The following XIRP2 variants were observed in gnomAD, a reference collection of about 807,000 sequenced individuals.
The protein encoded by XIRP2 is xin actin binding repeat containing 2.
A neutral mutation model predicts 277.0 loss-of-function variants in XIRP2; 236 were observed. The observed-to-expected ratio is 0.85, with a 90% CI of 0.77 to 0.95. The LOEUF (loss-of-function observed/expected upper bound fraction) is 0.95. XIRP2 is among the 40% of genes least tolerant of loss of function. The pLI, the probability that XIRP2 is intolerant of heterozygous loss-of-function variation, is 0.00. For synonymous variants in XIRP2, 1,490 were observed against 1,416.5 expected (o/e 1.05, Z -1.17); for missense variants, 4,640 against 4,157.5 (o/e 1.12, Z -3.19).
chr2:166,974,494 C>G (rs563910322), intron 2 of XIRP2, among the ~76,000 whole-genome samples: 1 of 152,008 alleles, frequency 6.6e-6, no homozygotes, highest in South Asian at 2.1e-4. Context: ...TATCTATACA[C>G]ATACACATAT....
At position 166,999,621 on chromosome 2, in the gene XIRP2, C is replaced by G. The variant is rs1687312240; in HGVS notation, c.408+95731C>G. On this transcript the variant is annotated intron_variant, in intron 2 of 10. Transcript: ENST00000409195. ...ATTCATTCAAGGGCCAGTTCTGTCTCTATTTTACACCATGTCTTAGAATGT... is the reference window on the plus strand; with the variant it reads ...ATTCATTCAAGGGCCAGTTCTGTCTGTATTTTACACCATGTCTTAGAATGT... Among the ~76,000 whole-genome samples the G allele has an allele frequency of 2.6e-5, 4 of 152,228 alleles. No individual in the cohort carries two copies. The South Asian group carries it at 8.3e-4, about 32-fold the overall frequency.
At chr2:167,105,275 C>G (rs895998456) in intron 2 of XIRP2, among the ~76,000 whole-genome samples, 3 of 151,902 alleles carry the variant, frequency 2.0e-5, no homozygotes, top group Non-Finnish European at 4.4e-5. Flanking sequence ...CCACATAGAT[C>G]CTTCCTGTTC....
At chr2:166,912,957 C>T (rs192556812) in intron 2 of XIRP2, among the ~76,000 whole-genome samples, 1 of 152,176 alleles carries the variant, frequency 6.6e-6, no homozygotes, top group African/African-American at 2.4e-5. Context: ...CTGATCATTC[C>T]TCTGGAAGCT....
chr2:166,920,478 G>T (rs1486727764), intron 2 of XIRP2, among the ~76,000 whole-genome samples: 1 of 152,076 alleles, frequency 6.6e-6, no homozygotes, highest in Non-Finnish European at 1.5e-5. Flanking sequence ...CTTAAACATT[G>T]AGTGTCCCCC....
rs766399900 is a variant in XIRP2, at chr2:167,250,840, T to G, written c.9448T>G (p.Tyr3150Asp). The G allele has an allele frequency of 2.5e-6, 4 of 1,613,496 alleles. No homozygotes were observed. In the South Asian group the frequency reaches 3.3e-5, roughly 13 times the overall value. Residue 3150 changes from tyrosine (Y) to aspartate (D), a missense_variant, in exon 9 of 11, where the codon TAT (tyrosine) becomes GAT (aspartate). Physicochemically the swap from Tyr to Asp is radical, Grantham distance 160. Coordinates refer to ENST00000409195, the MANE Select transcript of XIRP2 (RefSeq NM_152381.6). ...TTCTCAGTCCCCTAAAAAGGACAGT[T>G]ATGTTGAACCCCCACCAAGAAGGCC... The part of the protein sequence containing the change: ...ELSQSPKKDS[Y>D]VEPPPRRPMS...
intron 2 of XIRP2, among the ~76,000 whole-genome samples, chr2:167,076,736 A>G (rs1689582335): frequency 6.6e-6 from 1 of 152,226 alleles, no homozygotes; most frequent in Non-Finnish European, 1.5e-5. Context: ...ATAAGCATTG[A>G]TTATCTACTT....
intron 5 of XIRP2, among the ~76,000 whole-genome samples, chr2:167,218,534 C>T (rs1016290007): frequency 6.6e-6 from 1 of 152,178 alleles, no homozygotes; most frequent in African/African-American, 2.4e-5. Context: ...TTCTACCTCT[C>T]ATCTTCTAAT....
chr2:167,154,558 T>G lies in XIRP2; in HGVS notation c.562+18496T>G, dbSNP rs572961333. 4.7e-4 allele frequency among the ~76,000 whole-genome samples: 72 copies of G among 152,176 alleles called. 1 individual carries two copies. Among genetic ancestry groups the G allele is most frequent in the African/African-American group, 1.7e-3 (69 of 41,506 alleles). The stretch of plus-strand genomic sequence containing the variant: ...TGGTTTTAGGTCTAACATTTAAGTC[T>G]TTAATCCATCTGAATTAATTTTTGT... On this transcript the variant is annotated intron_variant, in intron 3 of 10. Coordinates refer to ENST00000409195, the MANE Select transcript of XIRP2 (RefSeq NM_152381.6).
chr2:166,909,334 C>G (rs1230710714), intron 2 of XIRP2, among the ~76,000 whole-genome samples: 1 of 152,146 alleles, frequency 6.6e-6, no homozygotes, highest in African/African-American at 2.4e-5. Flanking sequence ...TCCTTCACAT[C>G]CCTTGTAAGT....
chr2:166,911,616 G>T (rs1018661076), intron 2 of XIRP2, among the ~76,000 whole-genome samples: 15 of 152,068 alleles, frequency 9.9e-5, no homozygotes, highest in Non-Finnish European at 1.6e-4. Context: ...TCAATTTAAG[G>T]TTAATATTGT....
At chr2:166,904,671 C>T (rs766814657) in intron 2 of XIRP2, among the ~76,000 whole-genome samples, 44 of 152,072 alleles carry the variant, frequency 2.9e-4, no homozygotes, top group Non-Finnish European at 5.9e-4. Flanking sequence ...ATTTATTTCA[C>T]TCATTAGGGC....
In XIRP2 at chr2:167,074,807, T is replaced by G. The variant is rs187461887; in HGVS notation, c.409-61102T>G. Reference sequence around the variant, plus strand: ...GGCACCAGCCACCACACTCAGGCAATAGAGACAGGGTTTTGCCATGTTGCC... The same window carrying G: ...GGCACCAGCCACCACACTCAGGCAAGAGAGACAGGGTTTTGCCATGTTGCC... On this transcript the variant is annotated intron_variant, in intron 2 of 10. Transcript: ENST00000409195. Among the ~76,000 whole-genome samples the G allele has an allele frequency of 2.9e-3, 437 of 152,190 alleles. 1 individual carries two copies. The highest frequency in any genetic ancestry group is 0.01 in the African/African-American group (417 of 41,520).
chr2:167,212,889 AC>A (rs1316125846), intron 4 of XIRP2, among the ~76,000 whole-genome samples: 1 of 72,670 alleles, frequency 1.4e-5, no homozygotes, highest in African/African-American at 5.5e-5. Context: ...TGTTCAAGCC[AC>A]CCCCCCACCC....
intron 2 of XIRP2, among the ~76,000 whole-genome samples, chr2:166,986,907 CA>C (rs1354934801): frequency 6.6e-6 from 1 of 152,144 alleles, no homozygotes; most frequent in Non-Finnish European, 1.5e-5. Flanking sequence ...TAGTTTTATG[CA>C]TTTTGGGTTT....
At chr2:167,253,698 A>T (rs564272125) in intron 9 of XIRP2, among the ~76,000 whole-genome samples, 76 of 151,804 alleles carry the variant, frequency 5.0e-4, no homozygotes, top group East Asian at 3.3e-3. Flanking sequence ...TATATATATA[A>T]AAAATATACT....
intron 2 of XIRP2, among the ~76,000 whole-genome samples, chr2:167,004,972 C>A (rs1410909577): frequency 6.6e-6 from 1 of 151,776 alleles, no homozygotes; most frequent in Non-Finnish European, 1.5e-5. Context: ...ATTGAAGTGA[C>A]CTTCGTTATT....
intron 3 of XIRP2, among the ~76,000 whole-genome samples, chr2:167,200,773 G>A (rs993113061): frequency 4.6e-5 from 7 of 152,180 alleles, no homozygotes; most frequent in Middle Eastern, 3.4e-3. Context: ...ATGCCTAGCC[G>A]ACAGTAGCTG....
chr2:167,243,560 A>G lies in XIRP2; in HGVS notation c.2168A>G (p.Lys723Arg). ...TTACTGCAGCTTAGGTCTGAGCTCA[A>G]AGAAATTAAGGGAAATGTTAAAAGA... Reference protein sequence around the residue: ...VHLLQLRSELKEIKGNVKRSI... With the variant: ...VHLLQLRSELREIKGNVKRSI... The change falls in exon 9 of 11, where the codon AAA becomes AGA. Residue 723 changes from lysine to arginine, a missense_variant. Lys to Arg is a conservative substitution (Grantham distance 26). Coordinates refer to ENST00000409195, the MANE Select transcript of XIRP2 (RefSeq NM_152381.6). The G allele has an allele frequency of 6.2e-7, 1 of 1,614,046 alleles. No homozygotes were observed. Among genetic ancestry groups the G allele is most frequent in the South Asian group, 1.1e-5 (1 of 91,080 alleles).
intron 2 of XIRP2, chr2:167,124,003 G>T (rs1453005487): frequency 6.6e-6 from 1 of 152,138 alleles, no homozygotes; most frequent in Non-Finnish European, 1.5e-5. Context: ...GACAAGGATG[G>T]TGTTGATTTT....
Sources: allele counts gnomAD v4.1 joint callset (sites outside exome capture counted in the v4.1 genomes callset), GRCh38; gene constraint gnomAD v4.1.1; transcripts MANE v1.5; gene names NCBI Gene and HGNC (gene_info 2026-07-23, HGNC 2026-07-21).